EBF4: variants seen among roughly 807,000 people sequenced by gnomAD.
EBF4 encodes the protein EBF transcription factor 4.
EBF4 carries 34 observed loss-of-function variants against 67.1 expected under a neutral mutation model. That is an observed-to-expected ratio of 0.51 (90% CI 0.39 to 0.67). The LOEUF is 0.67. EBF4 is among the 30% of genes least tolerant of loss of function. The pLI, the probability that EBF4 is intolerant of heterozygous loss-of-function variation, is 0.00. For synonymous variants in EBF4, 387 were observed against 377.7 expected, an observed-to-expected ratio of 1.02 and a Z score of -0.29; for missense variants, 837 against 873.3, an observed-to-expected ratio of 0.96 and a Z score of 0.52.
intron 6 of EBF4, among the ~76,000 whole-genome samples, chr20:2,733,193 G>T (rs1340018050): frequency 6.6e-6 from 1 of 152,136 alleles, no homozygotes; most frequent in Admixed American, 6.6e-5. Flanking sequence ...TTTTTTGGTC[G>T]ATAGTTGTTT....
intron 6 of EBF4, among the ~76,000 whole-genome samples, chr20:2,716,183 C>T (rs1242949423): frequency 1.3e-5 from 2 of 150,018 alleles, no homozygotes; most frequent in Admixed American, 6.7e-5. Flanking sequence ...AATCCCATCA[C>T]TGCACTCCAG....
chr20:2,735,757 A>G (rs1402944077), intron 6 of EBF4, among the ~76,000 whole-genome samples: 1 of 152,226 alleles, frequency 6.6e-6, no homozygotes. Context: ...AGAGAGGCTT[A>G]AACAATGATC....
At chr20:2,693,384 T>TCCGC (rs1460052669), upstream of EBF4, among the ~76,000 whole-genome samples, 1 of 150,364 alleles carries the variant, frequency 6.7e-6, no homozygotes, top group Non-Finnish European at 1.5e-5. This position sits in a 1 kb window ranked among gnomAD's most constrained non-coding sequence, Gnocchi z 4.6. Context: ...CCGCTCGCAG[T>TCCGC]CCGCCCGCCA....
intron 6 of EBF4, among the ~76,000 whole-genome samples, chr20:2,717,879 C>T (rs1331893296): frequency 6.6e-6 from 1 of 150,816 alleles, no homozygotes; most frequent in Non-Finnish European, 1.5e-5. Context: ...GGCATGATTG[C>T]AGCTTACTGC....
At chr20:2,709,724 T>C in intron 6 of EBF4, 82 bp downstream of exon 6, 1 of 1,371,548 alleles carries the variant, frequency 7.3e-7, no homozygotes, top group Non-Finnish European at 9.6e-7. Flanking sequence ...GCACCAAGGC[T>C]CAAGGGAGGA....
Position 2,748,634 on chromosome 20 carries a change from G to A in EBF4, c.639+4G>A, listed in dbSNP as rs190116434. 2.0e-4 allele frequency: 310 copies of A among 1,550,678 alleles called. 1 individual carries two copies. In the African/African-American group the frequency reaches 3.8e-3, roughly 19 times the overall value. On this transcript the variant is annotated splice_donor_region_variant and intron_variant, in intron 7 of 16. Coordinates refer to ENST00000609451, the Ensembl canonical transcript of EBF4. ...CAGAGACATGCGCCGCTTCCAGGTG[G>A]GTCTGGAGAGAGGGTTTCCCCTTGC...
At chr20:2,703,998 A>G (rs1350718208) in intron 1 of EBF4, among the ~76,000 whole-genome samples, 5 of 152,164 alleles carry the variant, frequency 3.3e-5, no homozygotes, top group Admixed American at 6.5e-5. Context: ...CCATAGGGCT[A>G]CTTGAGTGTC....
At chr20:2,753,426 TCAGCATGTTCA>T (rs2088188858) in intron 14 of EBF4, among the ~76,000 whole-genome samples, 1 of 152,256 alleles carries the variant, frequency 6.6e-6, no homozygotes, top group South Asian at 2.1e-4. Flanking sequence ...AAGTTCCAGA[TCAGCATGTTCA>T]CAGCTCTTTT....
At position 2,755,951 on chromosome 20, in the gene EBF4, G is replaced by GACGGA. The variant is rs1401464109; in HGVS notation, c.1738+128_1738+132dup. The GACGGA allele has an allele frequency of 6.0e-6, 6 of 1,005,212 alleles. No individual in the cohort carries two copies. In the African/African-American group the frequency reaches 9.7e-5, roughly 16 times the overall value. 62.3% of individuals were successfully genotyped at this position (1,005,212 alleles called of 1,614,324 possible). A position where few individuals can be genotyped will look rare whatever the true frequency, so the allele number is the denominator to read the frequency against. ...GCTGGCTAACCTGCTCTTCTTGGAG[G>GACGGA]ACGGAGAGCAGGGAGCTCTGCTGGG... On this transcript the variant is annotated intron_variant, in intron 15 of 16. Coordinates refer to ENST00000609451, the Ensembl canonical transcript of EBF4. This position sits in a 1 kb window ranked among gnomAD's most constrained non-coding sequence, Gnocchi z 4.7.
intron 14 of EBF4, among the ~76,000 whole-genome samples, chr20:2,753,037 C>A (rs1172092438): frequency 9.2e-5 from 14 of 152,248 alleles, no homozygotes; most frequent in Non-Finnish European, 2.1e-4. Context: ...AGGATGTGGT[C>A]CCCGCGATGT....
intron 6 of EBF4, among the ~76,000 whole-genome samples, chr20:2,730,215 G>A (rs1047333200): frequency 6.6e-6 from 1 of 152,190 alleles, no homozygotes; most frequent in Non-Finnish European, 1.5e-5. Context: ...TGGAGGCCAA[G>A]TCTAAAAGCA....
chr20:2,751,786 A>G lies in EBF4; in HGVS notation c.1105A>G (p.Lys369Glu). ...CCCCGGAGACCCCGAGAGGCTGCCC[A>G]AGGTACTCAGAGGGGCGGGGCGGGG... Residue 369 changes from lysine (K) to glutamate (E), a missense_variant and splice_region_variant, in exon 11 of 17, where the codon AAG (lysine) becomes GAG (glutamate). Around this residue, in one of 3 missense-constraint regions of EBF4, gnomAD observed 525 missense variants for 496.5 expected, o/e 1.06. Coordinates refer to ENST00000609451, the Ensembl canonical transcript of EBF4. This position sits in a 1 kb window ranked among gnomAD's most constrained non-coding sequence, Gnocchi z 5.2. 1.3e-6 allele frequency: 2 copies of G among 1,516,916 alleles called. No homozygotes were observed. Among genetic ancestry groups the G allele is most frequent in the Non-Finnish European group, 1.8e-6 (2 of 1,118,802 alleles). 94.0% of individuals were successfully genotyped at this position (1,516,916 alleles called of 1,614,324 possible). A position where few individuals can be genotyped will look rare whatever the true frequency, so the allele number is the denominator to read the frequency against.
intron 6 of EBF4, among the ~76,000 whole-genome samples, chr20:2,722,826 A>C (rs1326477181): frequency 3.3e-5 from 5 of 152,214 alleles, no homozygotes; most frequent in Non-Finnish European, 7.3e-5. Context: ...CCGTTACTCC[A>C]TCTTGGCTAG....
intron 6 of EBF4, among the ~76,000 whole-genome samples, chr20:2,714,184 A>G (rs868830739): frequency 3.3e-5 from 5 of 152,068 alleles, no homozygotes; most frequent in African/African-American, 1.2e-4. Context: ...TCTTACTCTG[A>G]GTGAGGTTGA....
chr20:2,734,305 A>C (rs2087851110), intron 6 of EBF4, among the ~76,000 whole-genome samples: 1 of 152,120 alleles, frequency 6.6e-6, no homozygotes, highest in African/African-American at 2.4e-5. Context: ...GCTACTTGGG[A>C]ACTAAGGTGG....
At chr20:2,712,465 A>T (rs1382837189) in intron 6 of EBF4, among the ~76,000 whole-genome samples, 1 of 152,160 alleles carries the variant, frequency 6.6e-6, no homozygotes, top group Non-Finnish European at 1.5e-5. Flanking sequence ...ACTTAGAAGG[A>T]TGGAGTTTCC....
chr20:2,752,050 G>T (rs1221838692), intron 12 of EBF4, 36 bp from the exon 13 acceptor site: 14 of 1,467,798 alleles, frequency 9.5e-6, no homozygotes, highest in East Asian at 2.6e-5. Context: ...CGGCGCCCGC[G>T]GCTGCCCCGG....
chr20:2,755,793 C>T lies in EBF4; in HGVS notation c.1707C>T (p.Ala569=). The change falls in exon 15 of 17, where the codon GCC becomes GCT. Residue 569 remains alanine (A), a synonymous_variant. Coordinates refer to ENST00000609451, the Ensembl canonical transcript of EBF4. The surrounding 1 kb of genome is among the most constrained non-coding windows in gnomAD (Gnocchi z 4.7). The stretch of plus-strand genomic sequence containing the variant: ...GCCCCCCAAGCTCCCCACCCCAGGC[C>T]TGCCCCAGAGCCCACGGAGAGGGGC... The T allele has an allele frequency of 6.5e-7, 1 of 1,549,464 alleles. No homozygotes were observed. Among genetic ancestry groups the T allele is most frequent in the Non-Finnish European group, 8.7e-7 (1 of 1,146,944 alleles).
chr20:2,732,866 C>CA (rs2087833180), intron 6 of EBF4, among the ~76,000 whole-genome samples: 1 of 151,846 alleles, frequency 6.6e-6, no homozygotes, highest in Admixed American at 6.6e-5. Context: ...CATATATCCC[C>CA]TATCCCCACA....
Sources: allele counts gnomAD v4.1 joint callset (sites outside exome capture counted in the v4.1 genomes callset), GRCh38; gene constraint gnomAD v4.1.1; regional missense constraint gnomAD v4.1.1; non-coding constraint Gnocchi (gnomAD v3.1); transcripts MANE v1.5; gene names NCBI Gene and HGNC (gene_info 2026-07-23, HGNC 2026-07-21).